Variants in DNAH7 observed in about 807,000 individuals in gnomAD.
The protein encoded by DNAH7 is dynein axonemal heavy chain 7.
In DNAH7, 397 loss-of-function variants were observed where a neutral mutation model predicts 444.6. The ratio of observed to expected loss-of-function variants is 0.89; its 90% CI spans 0.82 to 0.97. The LOEUF (loss-of-function observed/expected upper bound fraction) is 0.97. Among genes scored for constraint, DNAH7 ranks in the 50% least tolerant of loss-of-function variants. The pLI, the probability that DNAH7 is intolerant of heterozygous loss-of-function variation, is 0.00. For missense variants in DNAH7, 4,902 were observed against 4,800.8 expected (o/e 1.02, Z -0.62); for synonymous variants, 1,636 against 1,624.4 (o/e 1.01, Z -0.17).
At chr2:195,987,033 C>A in intron 14 of DNAH7, 33 bp downstream of exon 14, 1 of 1,539,544 alleles carries the variant, frequency 6.5e-7, no homozygotes, top group Non-Finnish European at 8.7e-7. Context: ...CATCCCCTCC[C>A]AAAAAATAAA....
At chr2:195,807,093 T>G (rs572143770) in intron 53 of DNAH7, among the ~76,000 whole-genome samples, 2 of 152,148 alleles carry the variant, frequency 1.3e-5, no homozygotes, top group South Asian at 4.2e-4. Context: ...TGATCCCTAT[T>G]ATGAAAAAAG....
intron 21 of DNAH7, 57 bp downstream of exon 21, chr2:195,934,534 C>T: frequency 6.6e-7 from 1 of 1,517,212 alleles, no homozygotes; most frequent in South Asian, 1.1e-5. Flanking sequence ...CAGAATATTT[C>T]TAATAACATT....
Position 195,737,955 on chromosome 2 carries a change from CGTCCAATCCA to C in DNAH7, c.12031_12040del (p.Trp4011GlufsTer3). ...AAGTTGACATAACAGTGCTACACCTCGTCCAATCCAGTGTTCCTTGGGTTGGTCAGAGGGA... is the reference window on the plus strand; with the variant it reads ...AAGTTGACATAACAGTGCTACACCTCGTGTTCCTTGGGTTGGTCAGAGGGA... On this transcript the variant is annotated frameshift_variant, in exon 65 of 65. Coordinates refer to ENST00000312428, the MANE Select transcript of DNAH7 (RefSeq NM_018897.3). LOFTEE classifies it high-confidence loss of function. The C allele has an allele frequency of 6.2e-7, 1 of 1,614,070 alleles. No homozygotes were observed. The highest frequency in any genetic ancestry group is 8.5e-7 in the Non-Finnish European group (1 of 1,179,924).
chr2:196,017,774 A>G (rs1368696737), intron 9 of DNAH7, among the ~76,000 whole-genome samples: 1 of 152,160 alleles, frequency 6.6e-6, no homozygotes, highest in Non-Finnish European at 1.5e-5. Flanking sequence ...AATGAATTTC[A>G]TTCTACATCA....
intron 5 of DNAH7, among the ~76,000 whole-genome samples, chr2:196,044,892 C>T (rs1697002534): frequency 6.6e-6 from 1 of 151,902 alleles, no homozygotes; most frequent in African/African-American, 2.4e-5. Context: ...CATGGTGCAA[C>T]CCCATCTCTA....
In DNAH7 at chr2:195,816,831, C is replaced by T. The variant is rs772320726; in HGVS notation, c.9558G>A (p.Gln3186=). ...TTTTCTCTGTCTCTTCGGCTACTTCCTGCTTCTGAGAAATCTCATTAGCCA... is the reference window on the plus strand; with the variant it reads ...TTTTCTCTGTCTCTTCGGCTACTTCTTGCTTCTGAGAAATCTCATTAGCCA... ...KALANEISQK[Q]EVAEETEKKI... Residue 3186 remains glutamine, a synonymous_variant, in exon 51 of 65, where the codon CAG becomes CAA. Transcript: ENST00000312428. The T allele has an allele frequency of 6.2e-7, 1 of 1,614,154 alleles. No homozygotes were observed. The highest frequency in any genetic ancestry group is 2.2e-5 in the East Asian group (1 of 44,866).
chr2:195,853,712 T>C (rs1699528599), intron 45 of DNAH7, among the ~76,000 whole-genome samples, 184 bp from the exon 46 acceptor site: 1 of 152,110 alleles, frequency 6.6e-6, no homozygotes, highest in Non-Finnish European at 1.5e-5. Flanking sequence ...AAGTGTCTAA[T>C]ATAATTCATG....
rs1019103125 is a variant in DNAH7 at position 195,960,526 on chromosome 2, A to G, written c.2625T>C (p.Ser875=). The change falls in exon 18 of 65, where the codon TCT becomes TCC. Residue 875 remains serine, a synonymous_variant. Transcript: ENST00000312428. ...ATGGTTCCAGATTCATGTCTAAAAA[A>G]GAGGAGACTGTGGAGTCATCTGATG... The part of the protein sequence containing the change: ...LQPSDDSTVS[S]FLDMNLEPYI... 8 of 1,614,106 alleles carry G rather than the reference A, an allele frequency of 5.0e-6. No individual in the cohort carries two copies. Among genetic ancestry groups the G allele is most frequent in the Middle Eastern group, 1.6e-4 (1 of 6,084 alleles).
At position 195,875,810 on chromosome 2, in the gene DNAH7, G is replaced by A. The variant is rs374484303; in HGVS notation, c.6151C>T (p.Arg2051Trp). 4.8e-5 allele frequency: 78 copies of A among 1,610,492 alleles called. No individual in the cohort carries two copies. Among genetic ancestry groups the A allele is most frequent in the Admixed American group, 8.5e-5 (5 of 59,038 alleles). ...VFVDDVNMPA[R>W]EVYGAQPPIE... Reference sequence around the variant, plus strand: ...GGAGGTTGAGCCCCATATACCTCCCGAGCAGGCATATTGACATCATCTACA... The same window carrying A: ...GGAGGTTGAGCCCCATATACCTCCCAAGCAGGCATATTGACATCATCTACA... Residue 2051 changes from arginine to tryptophan, a missense_variant, in exon 38 of 65, where the codon CGG becomes TGG. Coordinates refer to ENST00000312428, the MANE Select transcript of DNAH7 (RefSeq NM_018897.3).
chr2:196,017,351 C>T (rs1695096119), intron 9 of DNAH7, among the ~76,000 whole-genome samples: 1 of 152,236 alleles, frequency 6.6e-6, no homozygotes, highest in South Asian at 2.1e-4. Context: ...TGTCTATTTT[C>T]TGAGATTAAT....
At chr2:195,879,457 A>C (rs1701250796) in intron 36 of DNAH7, among the ~76,000 whole-genome samples, 1 of 152,198 alleles carries the variant, frequency 6.6e-6, no homozygotes. Context: ...TGATTTAAAA[A>C]ATTCTAAATG....
At chr2:195,808,575 G>T in intron 53 of DNAH7, 107 bp downstream of exon 53, 1 of 1,335,578 alleles carries the variant, frequency 7.5e-7, no homozygotes, top group Non-Finnish European at 1.0e-6. Context: ...ATTCTAACAT[G>T]TGACCAGTTG....
At chr2:195,824,875 TATAA>T (rs1481234049) in intron 48 of DNAH7, 1 of 153,032 alleles carries the variant, frequency 6.5e-6, no homozygotes, top group Admixed American at 6.5e-5. Context: ...GGAAGAAAGG[TATAA>T]ATAAGAAATG....
chr2:195,968,961 G>A (rs1051563157), intron 17 of DNAH7, among the ~76,000 whole-genome samples: 2 of 152,212 alleles, frequency 1.3e-5, no homozygotes, highest in Admixed American at 6.5e-5. Context: ...CCTCCCCGAC[G>A]TGTACAGATT....
At chr2:195,976,890 C>T (rs1692249066) in intron 15 of DNAH7, among the ~76,000 whole-genome samples, 1 of 152,028 alleles carries the variant, frequency 6.6e-6, no homozygotes. Context: ...CAAGGCAGTA[C>T]CTCTACAAGG....
chr2:196,064,575 G>A (rs1698318421), intron 1 of DNAH7, among the ~76,000 whole-genome samples: 1 of 151,926 alleles, frequency 6.6e-6, no homozygotes. Context: ...TGCCATCCTG[G>A]AATTTTGTGT....
At chr2:195,754,022 A>G (rs1361146155) in intron 63 of DNAH7, among the ~76,000 whole-genome samples, 4 of 152,170 alleles carry the variant, frequency 2.6e-5, no homozygotes, top group African/African-American at 7.2e-5. Context: ...CCTTCTTAAC[A>G]TTTTAGGAAT....
chr2:195,818,409 A>G (rs780447681), intron 49 of DNAH7, among the ~76,000 whole-genome samples: 13 of 152,194 alleles, frequency 8.5e-5, no homozygotes, highest in Non-Finnish European at 1.9e-4. Flanking sequence ...ACTGTCTGCT[A>G]ACACCTGCTT....
rs1297864192 is a variant in DNAH7, at chr2:195,771,869, C to T, written c.11224G>A (p.Ala3742Thr). The T allele has an allele frequency of 2.5e-6, 4 of 1,614,186 alleles. No homozygotes were observed. Among genetic ancestry groups the T allele is most frequent in the Non-Finnish European group, 3.4e-6 (4 of 1,180,026 alleles). ...LTQSRSAGAGAKSSDEVVNEV... is the reference protein window; with the variant it reads ...LTQSRSAGAGTKSSDEVVNEV... Reference sequence around the variant, plus strand: ...TTCACTACTTCATCTGATGATTTTGCACCAGCACCTGCTGAACGAGACTAT... The same window carrying T: ...TTCACTACTTCATCTGATGATTTTGTACCAGCACCTGCTGAACGAGACTAT... The change falls in exon 61 of 65, where the codon GCA becomes ACA. Residue 3742 changes from alanine (A) to threonine (T), a missense_variant. Coordinates refer to ENST00000312428, the MANE Select transcript of DNAH7 (RefSeq NM_018897.3).
Sources: allele counts gnomAD v4.1 joint callset (sites outside exome capture counted in the v4.1 genomes callset), GRCh38; gene constraint gnomAD v4.1.1; transcripts MANE v1.5; gene names NCBI Gene and HGNC (gene_info 2026-07-23, HGNC 2026-07-21).